The following CTNNA3 variants were observed in gnomAD, a reference collection of about 807,000 sequenced individuals.
CTNNA3 encodes catenin alpha-3.
CTNNA3 carries 76 observed loss-of-function variants against 95.7 expected under a neutral mutation model. The ratio of observed to expected loss-of-function variants is 0.79; its 90% CI spans 0.66 to 0.96. The LOEUF (loss-of-function observed/expected upper bound fraction) is 0.96, where lower values mean the gene tolerates loss of function less well. Ranked by LOEUF, CTNNA3 falls within the 40% of genes least tolerant of loss-of-function variation. The probability of loss-of-function intolerance (pLI) is 0.00; values close to 1 mark genes in which losing one functional copy is unlikely to be tolerated. For missense variants in CTNNA3, 1,191 were observed against 1,089.8 expected, an observed-to-expected ratio of 1.09 and a Z score of -1.31; for synonymous variants, 431 against 374.4, an observed-to-expected ratio of 1.15 and a Z score of -1.74.
At chr10:66,777,967 C>T (rs928563103) in intron 7 of CTNNA3, among the ~76,000 whole-genome samples, 18 of 152,186 alleles carry the variant, frequency 1.2e-4, no homozygotes, top group African/African-American at 1.9e-4. Flanking sequence ...TAAAGGATGA[C>T]AGGAGGTGAC....
At chr10:67,398,136 G>T (rs1366819594) in intron 5 of CTNNA3, among the ~76,000 whole-genome samples, 1 of 152,196 alleles carries the variant, frequency 6.6e-6, no homozygotes, top group Non-Finnish European at 1.5e-5. Flanking sequence ...CCCCAGAATG[G>T]TAGATCTGCT....
At chr10:67,726,877 A>T (rs1361088861) in intron 1 of CTNNA3, among the ~76,000 whole-genome samples, 2 of 114,566 alleles carry the variant, frequency 1.7e-5, no homozygotes, top group African/African-American at 3.6e-5. Flanking sequence ...ATTATATATT[A>T]TATATAATGA....
intron 7 of CTNNA3, among the ~76,000 whole-genome samples, chr10:67,163,499 G>T (rs754730357): frequency 6.6e-6 from 1 of 151,866 alleles, no homozygotes; most frequent in Admixed American, 6.6e-5. Context: ...ATCAAAAAGA[G>T]ATCTAAAGCT....
intron 1 of CTNNA3, among the ~76,000 whole-genome samples, chr10:67,704,693 T>G (rs915891766): frequency 6.6e-6 from 1 of 151,884 alleles, no homozygotes; most frequent in Non-Finnish European, 1.5e-5. Context: ...AACCTAGGCA[T>G]TACCATTCAG....
intron 7 of CTNNA3, among the ~76,000 whole-genome samples, chr10:67,163,702 G>A (rs1861645356): frequency 6.6e-6 from 1 of 151,814 alleles, no homozygotes; most frequent in African/African-American, 2.4e-5. Flanking sequence ...ATCTATACAT[G>A]ACATAATTTT....
intron 3 of CTNNA3, among the ~76,000 whole-genome samples, chr10:67,554,766 C>T (rs1427938038): frequency 6.6e-6 from 1 of 152,122 alleles, no homozygotes; most frequent in African/African-American, 2.4e-5. Context: ...TAATTAGATC[C>T]CATTTGTCAA....
rs569827225 is a variant in CTNNA3, at chr10:67,287,432, T to G, written c.580-67562A>C. The stretch of plus-strand genomic sequence containing the variant: ...GTCAATGGTTTTGCCATCACTTTCG[T>G]GCAAATATTTTCTAAATATCTTTGC... On this transcript the variant is annotated intron_variant, in intron 5 of 17. Transcript: ENST00000433211. Among the ~76,000 whole-genome samples the G allele has an allele frequency of 5.3e-5, 8 of 152,314 alleles. No homozygotes were observed. In the East Asian group the frequency reaches 1.4e-3, roughly 26 times the overall value.
At chr10:67,586,703 T>C (rs1842637860) in intron 3 of CTNNA3, among the ~76,000 whole-genome samples, 1 of 152,178 alleles carries the variant, frequency 6.6e-6, no homozygotes, top group Non-Finnish European at 1.5e-5. Context: ...GGTAAGTTTC[T>C]TATAAGCAGC....
At chr10:66,815,631 T>C (rs772378559) in intron 7 of CTNNA3, among the ~76,000 whole-genome samples, 8 of 152,126 alleles carry the variant, frequency 5.3e-5, no homozygotes, top group East Asian at 3.9e-4. Flanking sequence ...TCTTTGTTGA[T>C]TGAGGTGGTA....
In CTNNA3 at chr10:67,255,820, T is replaced by G. The variant is rs553140275; in HGVS notation, c.580-35950A>C. Among the ~76,000 whole-genome samples the G allele has an allele frequency of 2.0e-5, 3 of 152,292 alleles. No individual in the cohort carries two copies. The East Asian group carries it at 5.8e-4, about 29-fold the overall frequency. On this transcript the variant is annotated intron_variant, in intron 5 of 17. Transcript: ENST00000433211. ...CTCATTTGATCCCATTATATTGTGC[T>G]CATTACATAAATTAATAATCTAAGA... is the stretch of plus-strand genomic sequence containing the variant.
intron 7 of CTNNA3, among the ~76,000 whole-genome samples, chr10:67,161,349 G>A (rs905379693): frequency 5.9e-5 from 9 of 151,446 alleles, no homozygotes; most frequent in Admixed American, 5.3e-4. Flanking sequence ...ACAGTCTTAC[G>A]TGTTTCTCAA....
chr10:66,866,703 C>T (rs1162037991), intron 7 of CTNNA3, among the ~76,000 whole-genome samples: 1 of 152,078 alleles, frequency 6.6e-6, no homozygotes, highest in Non-Finnish European at 1.5e-5. Flanking sequence ...CTGGCACTCC[C>T]ATGGCAGAAC....
At chr10:66,085,714 G>A (rs1431712025) in intron 14 of CTNNA3, among the ~76,000 whole-genome samples, 1 of 152,026 alleles carries the variant, frequency 6.6e-6, no homozygotes, top group Admixed American at 6.6e-5. Context: ...TGATTACAGT[G>A]CCTACAGCAT....
intron 3 of CTNNA3, among the ~76,000 whole-genome samples, chr10:67,569,260 T>C (rs959147337): frequency 1.3e-5 from 2 of 152,146 alleles, no homozygotes; most frequent in Non-Finnish European, 2.9e-5. Context: ...TCAACCATTA[T>C]GAGGTGTGCG....
intron 11 of CTNNA3, among the ~76,000 whole-genome samples, chr10:66,466,422 T>C (rs1911303): frequency 0.15 from 22,655 of 151,084 alleles, 3,569 homozygotes; most frequent in East Asian, 0.78. Flanking sequence ...TATACTTTCA[T>C]CCCTGCAAGG....
chr10:65,938,675 T>C (rs545940093), intron 17 of CTNNA3, among the ~76,000 whole-genome samples: 29 of 152,272 alleles, frequency 1.9e-4, no homozygotes, highest in African/African-American at 6.7e-4. Context: ...CTCCAGAATA[T>C]GAAACCAATC....
Position 66,114,376 on chromosome 10 carries a change from A to G in CTNNA3, c.1885-11127T>C, listed in dbSNP as rs183648879. 2.9e-3 allele frequency among the ~76,000 whole-genome samples: 442 copies of G among 150,366 alleles called. 5 individuals carry two copies. Among genetic ancestry groups the G allele is most frequent in the African/African-American group, 9.9e-3 (395 of 40,008 alleles). Reference sequence around the variant, plus strand: ...TCTGTATATATATGTGTGTGTGTGTATATATGTGTGTATATATGTATATGT... The same window carrying G: ...TCTGTATATATATGTGTGTGTGTGTGTATATGTGTGTATATATGTATATGT... On this transcript the variant is annotated intron_variant, in intron 13 of 17. Coordinates refer to ENST00000433211, the MANE Select transcript of CTNNA3 (RefSeq NM_013266.4).
chr10:67,631,648 C>G (rs894143407), intron 2 of CTNNA3, among the ~76,000 whole-genome samples: 2 of 152,184 alleles, frequency 1.3e-5, no homozygotes, highest in African/African-American at 4.8e-5. Flanking sequence ...CCAGTGAAAT[C>G]AGAGACTATA....
chr10:67,043,084 G>A (rs575886512), intron 7 of CTNNA3, among the ~76,000 whole-genome samples: 1 of 151,868 alleles, frequency 6.6e-6, no homozygotes, highest in Non-Finnish European at 1.5e-5. Flanking sequence ...TTACCTGCAG[G>A]TGTGAGGGCT....
Sources: gnomAD v4.1 joint callset for allele counts (sites outside exome capture counted in the v4.1 genomes callset) on GRCh38, gnomAD v4.1.1 for gene constraint, MANE v1.5 for transcripts, NCBI Gene and HGNC (gene_info 2026-07-23, HGNC 2026-07-21) for gene names.